SLC9A8: variants seen among roughly 807,000 people sequenced by gnomAD.
SLC9A8 encodes the protein sodium/hydrogen exchanger 8.
A neutral mutation model predicts 66.6 loss-of-function variants in SLC9A8; 48 were observed. The ratio of observed to expected loss-of-function variants is 0.72; its 90% CI spans 0.57 to 0.92. The LOEUF (loss-of-function observed/expected upper bound fraction) is 0.92, where lower values mean the gene tolerates loss of function less well. SLC9A8 is among the 40% of genes least tolerant of loss of function. SLC9A8 has a pLI of 0.00. For synonymous variants in SLC9A8, 274 were observed against 282.6 expected, an observed-to-expected ratio of 0.97 and a Z score of 0.31; for missense variants, 599 against 747.3, an observed-to-expected ratio of 0.80 and a Z score of 2.31.
intron 10 of SLC9A8, among the ~76,000 whole-genome samples, chr20:49,872,434 A>G (rs907450091): frequency 6.7e-6 from 1 of 149,910 alleles, no homozygotes; most frequent in Admixed American, 6.7e-5. Flanking sequence ...ACAAGTCTGT[A>G]ATACAGTGCT....
rs368266373 is a variant in SLC9A8, at chr20:49,887,886, G to A, written c.1696G>A (p.Val566Ile). 1.2e-6 allele frequency: 2 copies of A among 1,613,640 alleles called. No homozygotes were observed. Among genetic ancestry groups the A allele is most frequent in the Non-Finnish European group, 8.5e-7 (1 of 1,179,868 alleles). ...KTLTNKWYEEVRQGPSGSEDD... is the reference protein window; with the variant it reads ...KTLTNKWYEEIRQGPSGSEDD... ...TCTCACCAACAAGTGGTACGAGGAG[G>A]TACGCCAGGGCCCCTCCGGCTCCGA... Residue 566 changes from valine to isoleucine, a missense_variant, in exon 16 of 16, where the codon GTA (valine) becomes ATA (isoleucine). Val to Ile is a conservative substitution (Grantham distance 29, BLOSUM62 3). This residue lies in a region of SLC9A8 where 467 missense variants were observed against 626.5 expected (regional missense o/e 0.75). Coordinates refer to ENST00000361573, the MANE Select transcript of SLC9A8 (RefSeq NM_015266.3).
At chr20:49,822,755 C>G (rs1888524713) in intron 2 of SLC9A8, among the ~76,000 whole-genome samples, 1 of 152,212 alleles carries the variant, frequency 6.6e-6, no homozygotes, top group Non-Finnish European at 1.5e-5. Flanking sequence ...CCACTGCACT[C>G]TAGCCTGGAT....
rs1244008691 is a variant in SLC9A8 at position 49,888,910 on chromosome 20, C to G, written c.*974C>G. On this transcript the variant is annotated 3_prime_UTR_variant, in exon 16 of 16. Transcript: ENST00000361573. ...TAGTCAGGGTTCCATCCTCTTTCCC[C>G]TCTCCCAGTTCCCTACCACGTTGGA... The G allele has an allele frequency of 1.3e-5, 2 of 152,564 alleles. No homozygotes were observed. The highest frequency in any genetic ancestry group is 2.4e-5 in the African/African-American group (1 of 41,472). 9.5% of individuals were successfully genotyped at this position (152,564 alleles called of 1,614,324 possible).
chr20:49,814,900 C>T, intron 1 of SLC9A8, 108 bp from the exon 2 acceptor site: 1 of 890,998 alleles, frequency 1.1e-6, no homozygotes, highest in Middle Eastern at 3.0e-4. Context: ...TTAAAGACTT[C>T]TGAATCCCAT....
Position 49,812,836 on chromosome 20 carries a change from G to C in SLC9A8, c.-87G>C. ...CCGAGGCCCCGCCTCCCGCTCGCCC[G>C]CCCGCGCCTCCAGCGGAAGCCGGAA... On this transcript the variant is annotated 5_prime_UTR_variant, in exon 1 of 16. Coordinates refer to ENST00000361573, the MANE Select transcript of SLC9A8 (RefSeq NM_015266.3). 1 of 1,450,574 alleles carries C rather than the reference G, an allele frequency of 6.9e-7. No individual in the cohort carries two copies. 89.9% of individuals were successfully genotyped at this position (1,450,574 alleles called of 1,614,324 possible).
At chr20:49,815,229 G>C in intron 2 of SLC9A8, 40 bp downstream of exon 2, 1 of 1,451,562 alleles carries the variant, frequency 6.9e-7, no homozygotes, top group Non-Finnish European at 9.2e-7. Flanking sequence ...CTGCCATCCC[G>C]TGTCTGTGTG....
rs1944695548 is a variant in SLC9A8 at position 49,823,371 on chromosome 20, A to T, written c.289+230A>T. 2.0e-5 allele frequency among the ~76,000 whole-genome samples: 3 copies of T among 152,208 alleles called. No homozygotes were observed. In the South Asian group the frequency reaches 6.2e-4, roughly 31 times the overall value. On this transcript the variant is annotated intron_variant, in intron 3 of 15. Coordinates refer to ENST00000361573, the MANE Select transcript of SLC9A8 (RefSeq NM_015266.3). ...TCATGTAGAAGCCCAAAGGCCATAC[A>T]GCTCTGTACAGCTCAAAGGCCCTTT...
intron 12 of SLC9A8, among the ~76,000 whole-genome samples, chr20:49,879,813 AC>A (rs1450681105): frequency 1.4e-5 from 2 of 144,222 alleles, no homozygotes; most frequent in Non-Finnish European, 3.0e-5. Flanking sequence ...AAAAAAAAAA[AC>A]TCTCAAATTC....
intron 1 of SLC9A8, among the ~76,000 whole-genome samples, chr20:49,813,190 G>A (rs1337205173): frequency 6.6e-6 from 1 of 152,248 alleles, no homozygotes; most frequent in Non-Finnish European, 1.5e-5. Context: ...CAGGCCCGGA[G>A]AGCTGTCTTG....
rs2089914696 is a variant in SLC9A8 at position 49,886,962 on chromosome 20, T to C, written c.1638+64T>C. On this transcript the variant is annotated intron_variant, in intron 15 of 15. Coordinates refer to ENST00000361573, the MANE Select transcript of SLC9A8 (RefSeq NM_015266.3). This position sits in a 1 kb window ranked among gnomAD's most constrained non-coding sequence, Gnocchi z 4.8. The stretch of plus-strand genomic sequence containing the variant: ...TGCCTGCCTCCTTCAGGACCTGCGG[T>C]GGCCCAGGGTGGGGTGGAGGAAGAG... 1.3e-6 allele frequency: 2 copies of C among 1,535,982 alleles called. No homozygotes were observed. Among genetic ancestry groups the C allele is most frequent in the South Asian group, 2.5e-5 (2 of 80,224 alleles).
intron 3 of SLC9A8, among the ~76,000 whole-genome samples, chr20:49,833,080 AT>A (rs983105553): frequency 5.3e-5 from 8 of 151,834 alleles, no homozygotes; most frequent in African/African-American, 1.9e-4. Context: ...TAATTTTTGT[AT>A]TTTTAGCGGA....
chr20:49,850,868 C>A, intron 7 of SLC9A8, 24 bp downstream of exon 7: 1 of 1,552,160 alleles, frequency 6.4e-7, no homozygotes, highest in South Asian at 1.2e-5. Flanking sequence ...ACTGTAACAC[C>A]CATGCGACTG....
intron 10 of SLC9A8, among the ~76,000 whole-genome samples, chr20:49,867,335 T>G (rs2089016197): frequency 6.6e-6 from 1 of 152,206 alleles, no homozygotes; most frequent in Non-Finnish European, 1.5e-5. Context: ...TTAATCCTTC[T>G]TGAGGCTTAC....
intron 5 of SLC9A8, among the ~76,000 whole-genome samples, chr20:49,848,778 A>T (rs553716718): frequency 6.6e-6 from 1 of 152,288 alleles, no homozygotes; most frequent in South Asian, 2.1e-4. Context: ...AGGAAAAAGG[A>T]ATATCTGATA....
chr20:49,880,977 GA>G lies in SLC9A8; in HGVS notation c.1214del (p.Asn405IlefsTer12), dbSNP rs1568876651. ...ACATTTTCCCTCTTTCCTACCTCCT[GA>G]ATTTCTTCCGGGATCATAAAATCAC... ...VNIFPLSYLLNFFRDHKITPK... is the reference protein window; with the variant it reads ...VNIFPLSYLLXFFRDHKITPK... On this transcript the variant is annotated frameshift_variant, in exon 13 of 16. Transcript: ENST00000361573. LOFTEE classifies it high-confidence loss of function. The G allele has an allele frequency of 6.2e-7, 1 of 1,613,924 alleles. No individual in the cohort carries two copies. Among genetic ancestry groups the G allele is most frequent in the Non-Finnish European group, 8.5e-7 (1 of 1,179,930 alleles).
chr20:49,820,667 C>T (rs576086617), intron 2 of SLC9A8, among the ~76,000 whole-genome samples: 7 of 152,022 alleles, frequency 4.6e-5, no homozygotes, highest in African/African-American at 1.4e-4. Context: ...CTGTCTCAGC[C>T]TCCCATATAG....
At chr20:49,848,358 A>G (rs1308949207) in intron 5 of SLC9A8, among the ~76,000 whole-genome samples, 1 of 152,248 alleles carries the variant, frequency 6.6e-6, no homozygotes, top group Non-Finnish European at 1.5e-5. Context: ...ATGCCAAACA[A>G]AGGAATTGAA....
intron 3 of SLC9A8, among the ~76,000 whole-genome samples, chr20:49,834,179 CTCTCTCTATA>C (rs1270828861): frequency 0.032 from 1,719 of 54,428 alleles, 21 homozygotes; most frequent in Non-Finnish European, 0.042. Flanking sequence ...CTCTCTCTCT[CTCTCTCTATA>C]TATATATATA....
intron 14 of SLC9A8, among the ~76,000 whole-genome samples, chr20:49,885,115 G>C (rs1249684537): frequency 6.6e-6 from 1 of 152,232 alleles, no homozygotes. Context: ...GAAACTTCCA[G>C]ATGGCTGTGA....
Sources: allele counts gnomAD v4.1 joint callset (sites outside exome capture counted in the v4.1 genomes callset), GRCh38; gene constraint gnomAD v4.1.1; regional missense constraint gnomAD v4.1.1; non-coding constraint Gnocchi (gnomAD v3.1); transcripts MANE v1.5; gene names NCBI Gene and HGNC (gene_info 2026-07-23, HGNC 2026-07-21).